The following BAZ2B variants were observed in gnomAD, a reference collection of about 807,000 sequenced individuals.
BAZ2B encodes bromodomain adjacent to zinc finger domain 2B.
In BAZ2B, 91 loss-of-function variants were observed where a neutral mutation model predicts 246.0. The observed-to-expected ratio is 0.37, with a 90% confidence interval of 0.31 to 0.44. The LOEUF (loss-of-function observed/expected upper bound fraction) is 0.44. BAZ2B is among the 20% of genes least tolerant of loss of function. BAZ2B has a pLI of 1.00. For missense variants in BAZ2B, 2,332 were observed against 2,533.7 expected (o/e 0.92, Z 1.71); for synonymous variants, 855 against 860.0 (o/e 0.99, Z 0.10).
chr2:159,317,355 G>T (rs972268374), downstream of BAZ2B, among the ~76,000 whole-genome samples: 2 of 152,208 alleles, frequency 1.3e-5, no homozygotes, highest in Non-Finnish European at 1.5e-5. Flanking sequence ...ATTAAAACTG[G>T]TGCTTGTGAC....
At chr2:159,684,791 C>T in the BAZ2B span, among the ~76,000 whole-genome samples, 4 of 152,152 alleles carry the variant, frequency 2.6e-5, no homozygotes, top group Non-Finnish European at 4.4e-5. Context: ...TGGAAGAAAT[C>T]ATTTATTTTC....
chr2:159,682,465 C>G, the BAZ2B span, among the ~76,000 whole-genome samples: 1 of 152,140 alleles, frequency 6.6e-6, no homozygotes. Context: ...GTGTGAGCCA[C>G]CAAACCTGGC....
At chr2:159,682,747 A>C in the BAZ2B span, among the ~76,000 whole-genome samples, 1 of 152,092 alleles carries the variant, frequency 6.6e-6, no homozygotes, top group Non-Finnish European at 1.5e-5. Flanking sequence ...TAATTCATCA[A>C]CTCAATAATA....
At chr2:159,325,045 A>ATATATATATAT (rs2063311954) in intron 35 of BAZ2B, 91 bp from the exon 36 acceptor site, 2 of 6,060 alleles carry the variant, frequency 3.3e-4, no homozygotes, top group African/African-American at 1.3e-3. Context: ...TATATATATT[A>ATATATATATAT]TATATATATA....
At chr2:159,367,048 G>A (rs2060294497) in intron 27 of BAZ2B, among the ~76,000 whole-genome samples, 1 of 152,162 alleles carries the variant, frequency 6.6e-6, no homozygotes, top group Admixed American at 6.5e-5. Flanking sequence ...GAACAGTAGG[G>A]TCTTTAGCTG....
At chr2:159,640,759 A>G in the BAZ2B span, among the ~76,000 whole-genome samples, 1 of 152,026 alleles carries the variant, frequency 6.6e-6, no homozygotes, top group Non-Finnish European at 1.5e-5. Context: ...AAAACTTCAA[A>G]TAAATAACCT....
intron 2 of BAZ2B, among the ~76,000 whole-genome samples, chr2:159,543,899 C>T (rs1406271900): frequency 1.3e-5 from 2 of 152,210 alleles, no homozygotes; most frequent in African/African-American, 2.4e-5. Context: ...TTTTAAATTG[C>T]CTGTTTGTTT....
At chr2:159,389,069 G>A (rs2062993622) in intron 21 of BAZ2B, among the ~76,000 whole-genome samples, 1 of 151,204 alleles carries the variant, frequency 6.6e-6, no homozygotes, top group African/African-American at 2.4e-5. Context: ...CAGCCTAAAT[G>A]ACAGAGTAAG....
chr2:159,396,544 C>A (rs1212131927), intron 19 of BAZ2B: 1 of 152,120 alleles, frequency 6.6e-6, no homozygotes, highest in Non-Finnish European at 1.5e-5. Flanking sequence ...AAGGTAAGCA[C>A]TAGTTTAATT....
the BAZ2B span, among the ~76,000 whole-genome samples, chr2:159,697,863 A>G: frequency 6.6e-6 from 1 of 152,154 alleles, no homozygotes; most frequent in East Asian, 1.9e-4. Context: ...AGTATTTCTT[A>G]GCATTACACT....
chr2:159,332,482 TAAAA>T, intron 34 of BAZ2B, 54 bp downstream of exon 34: 1 of 1,509,696 alleles, frequency 6.6e-7, no homozygotes, highest in Non-Finnish European at 8.9e-7. Context: ...GACCATGTAT[TAAAA>T]AAATAATAAA....
intron 20 of BAZ2B, among the ~76,000 whole-genome samples, chr2:159,394,360 AC>A (rs2063725487): frequency 6.6e-6 from 1 of 152,118 alleles, no homozygotes; most frequent in African/African-American, 2.4e-5. Flanking sequence ...TTCCTGGAAT[AC>A]GTTACCTCTC....
At chr2:159,369,754 T>G (rs1478578398) in intron 27 of BAZ2B, among the ~76,000 whole-genome samples, 3 of 152,144 alleles carry the variant, frequency 2.0e-5, no homozygotes, top group African/African-American at 4.8e-5. Context: ...CACCTAGGCA[T>G]TAAAAAAAAA....
chr2:159,667,244 A>G, the BAZ2B span, among the ~76,000 whole-genome samples: 1 of 151,892 alleles, frequency 6.6e-6, no homozygotes, highest in African/African-American at 2.4e-5. Flanking sequence ...CTTCAATATA[A>G]GATAGGATTA....
chr2:159,394,724 T>C (rs1559244325), intron 20 of BAZ2B, among the ~76,000 whole-genome samples: 1 of 152,146 alleles, frequency 6.6e-6, no homozygotes, highest in African/African-American at 2.4e-5. Context: ...GAACTTTACA[T>C]ACACAGAGAC....
intron 27 of BAZ2B, among the ~76,000 whole-genome samples, chr2:159,351,430 T>G (rs1196657200): frequency 1.3e-5 from 2 of 152,166 alleles, no homozygotes; most frequent in Non-Finnish European, 2.9e-5. Context: ...AATGACCTTT[T>G]ATCTGTATTT....
intron 13 of BAZ2B, among the ~76,000 whole-genome samples, chr2:159,414,816 C>CAA (rs35430226): frequency 9.5e-4 from 128 of 134,290 alleles, no homozygotes; most frequent in South Asian, 3.1e-3. Context: ...GACTCCACCT[C>CAA]AAAAAAAAAA....
At chr2:159,439,894 G>A (rs1392005514) in intron 6 of BAZ2B, among the ~76,000 whole-genome samples, 1 of 152,064 alleles carries the variant, frequency 6.6e-6, no homozygotes, top group Non-Finnish European at 1.5e-5. Context: ...TATGACGAGA[G>A]AGATTTATTT....
intron 33 of BAZ2B, among the ~76,000 whole-genome samples, chr2:159,335,632 T>C (rs1042100726): frequency 2.0e-5 from 3 of 151,876 alleles, no homozygotes. Context: ...TGCAGATTCA[T>C]AGATGTTTTA....
Sources: gnomAD v4.1 joint callset for allele counts (sites outside exome capture counted in the v4.1 genomes callset) on GRCh38, gnomAD v4.1.1 for gene constraint, MANE v1.5 for transcripts, NCBI Gene and HGNC (gene_info 2026-07-23, HGNC 2026-07-21) for gene names.